Variants in C17orf99 observed in about 807,000 individuals in gnomAD.
The protein encoded by C17orf99 is protein IL-40.
C17orf99 carries 18 observed loss-of-function variants against 22.6 expected under a neutral mutation model. The observed-to-expected ratio is 0.80, with a 90% CI of 0.55 to 1.18. C17orf99 has a LOEUF of 1.18. Ranked by LOEUF, C17orf99 falls within the 50% of genes most tolerant of loss-of-function variation. The pLI is 0.00. For synonymous variants in C17orf99, 147 were observed against 136.6 expected (o/e 1.08, Z -0.53); for missense variants, 328 against 342.7 (o/e 0.96, Z 0.34).
chr17:78,162,181 C>G (rs57015785), intron 3 of C17orf99, among the ~76,000 whole-genome samples: 3,769 of 149,598 alleles, frequency 0.025, 178 homozygotes, highest in African/African-American at 0.089. Flanking sequence ...GAGGCTGAGG[C>G]AAGAGAGTCA....
At chr17:78,158,125 C>A in intron 2 of C17orf99, 1 of 843,408 alleles carries the variant, frequency 1.2e-6, no homozygotes. Context: ...AGCAGAAGTA[C>A]AGCTGTGGAG....
Position 78,154,561 on chromosome 17 carries a change from G to A in C17orf99, c.71-6394G>A, listed in dbSNP as rs146129505. ...AGACTTCGTCTCAAAAAAATAAATA[G>A]GTGGGGCGCAGTGGCTCACACCTGT... On this transcript the variant is annotated intron_variant, in intron 2 of 4. Coordinates refer to ENST00000340363, the MANE Select transcript of C17orf99 (RefSeq NM_001163075.2). Among the ~76,000 whole-genome samples the A allele has an allele frequency of 3.3e-3, 496 of 151,122 alleles. 6 individuals carry two copies. Among genetic ancestry groups the A allele is most frequent in the African/African-American group, 0.011 (470 of 40,992 alleles).
At chr17:78,145,780 C>T (rs1306729375), upstream of C17orf99, among the ~76,000 whole-genome samples, 2 of 150,374 alleles carry the variant, frequency 1.3e-5, no homozygotes, top group African/African-American at 4.9e-5. Context: ...CCAGAAGTTA[C>T]AGCGTGGACA....
chr17:78,160,025 G>A (rs1035662903), intron 2 of C17orf99: 1 of 453,556 alleles, frequency 2.2e-6, no homozygotes, highest in Admixed American at 2.4e-5. Context: ...GCTGCCATGA[G>A]CGTGTGTGTA....
chr17:78,164,558 C>T (rs1382249653), intron 4 of C17orf99, 194 bp downstream of exon 4: 7 of 1,533,090 alleles, frequency 4.6e-6, no homozygotes, highest in Middle Eastern at 1.7e-4. Flanking sequence ...GCCTCCGCCC[C>T]CTCCCAGGAG....
Position 78,160,732 on chromosome 17 carries a change from C to T in C17orf99, c.71-223C>T, listed in dbSNP as rs1178674488. 9.1e-6 allele frequency: 5 copies of T among 548,288 alleles called. No individual in the cohort carries two copies. The Admixed American group carries it at 1.6e-4, about 17-fold the overall frequency. The allele number at this position is 548,288 out of a possible 1,614,324, so 34.0% of individuals were successfully genotyped here. A position where few individuals can be genotyped will look rare whatever the true frequency, so the allele number is the denominator to read the frequency against. On this transcript the variant is annotated intron_variant, in intron 2 of 4. Coordinates refer to ENST00000340363, the MANE Select transcript of C17orf99 (RefSeq NM_001163075.2). Reference sequence around the variant, plus strand: ...CCGAGTAGCAGGGATTACAGGTGGGCACCACCACGCCCGGCTAATTTTTGT... The same window carrying T: ...CCGAGTAGCAGGGATTACAGGTGGGTACCACCACGCCCGGCTAATTTTTGT...
In C17orf99 at chr17:78,166,018, T is replaced by TCAGAGGA; in HGVS notation, c.772_778dup (p.Arg260GlnfsTer11). ...GGGTTCAGGATAGGGAATGGGGAGG[T>TCAGAGGA]CAGAGGACGCAAAGCAGCAGCCATG... On this transcript the variant is annotated frameshift_variant, in exon 5 of 5. Transcript: ENST00000340363. LOFTEE classifies it high-confidence loss of function. The TCAGAGGA allele has an allele frequency of 7.0e-7, 1 of 1,431,488 alleles. No homozygotes were observed. Among genetic ancestry groups the TCAGAGGA allele is most frequent in the Non-Finnish European group, 9.3e-7 (1 of 1,074,464 alleles). The allele number at this position is 1,431,488 out of a possible 1,614,324, so 88.7% of individuals were successfully genotyped here. A position where few individuals can be genotyped will look rare whatever the true frequency, so the allele number is the denominator to read the frequency against.
At chr17:78,157,241 G>A (rs571755414) in intron 2 of C17orf99, among the ~76,000 whole-genome samples, 26 of 151,794 alleles carry the variant, frequency 1.7e-4, no homozygotes, top group Admixed American at 5.9e-4. Context: ...CGAGGCGGGC[G>A]CATCATGAGG....
intron 3 of C17orf99, among the ~76,000 whole-genome samples, chr17:78,163,440 CTGAA>C (rs2145801811): frequency 6.6e-6 from 1 of 152,274 alleles, no homozygotes; most frequent in South Asian, 2.1e-4. Flanking sequence ...AAAGACGAGA[CTGAA>C]TGATAGAGTT....
intron 2 of C17orf99, chr17:78,158,331 G>A: frequency 3.1e-5 from 11 of 356,212 alleles, no homozygotes; most frequent in South Asian, 2.6e-4. Flanking sequence ...TTCTCGCCCT[G>A]TCGCCCAGGC....
At chr17:78,159,947 T>G (rs1467594648) in intron 2 of C17orf99, 1 of 417,366 alleles carries the variant, frequency 2.4e-6, no homozygotes, top group Non-Finnish European at 4.8e-6. Context: ...ATCAACCACA[T>G]TCTATTTACC....
intron 2 of C17orf99, chr17:78,160,634 T>C (rs2075566841): frequency 2.8e-6 from 1 of 360,872 alleles, no homozygotes; most frequent in Non-Finnish European, 5.1e-6. Flanking sequence ...TGGAGTGCAG[T>C]GGTGTGATCT....
intron 3 of C17orf99, among the ~76,000 whole-genome samples, chr17:78,161,865 A>G (rs1391166477): frequency 6.6e-6 from 1 of 151,922 alleles, no homozygotes; most frequent in African/African-American, 2.4e-5. Context: ...AAGAAACGAA[A>G]AAAAAGTTAG....
chr17:78,161,786 G>C (rs2075578922), intron 3 of C17orf99, among the ~76,000 whole-genome samples: 2 of 151,402 alleles, frequency 1.3e-5, no homozygotes, highest in Non-Finnish European at 2.9e-5. Flanking sequence ...AGAGGTTGCA[G>C]TGAGCCAAGA....
Position 78,158,360 on chromosome 17 carries a change from T to C in C17orf99, c.71-2595T>C, listed in dbSNP as rs190404045. On this transcript the variant is annotated intron_variant, in intron 2 of 4. Coordinates refer to ENST00000340363, the MANE Select transcript of C17orf99 (RefSeq NM_001163075.2). ...CCCAGGCTGGAGTGCAGTGGCACCA[T>C]CTCGGCTCACTACAAGCTCCACCTC... 2.7e-3 allele frequency among the ~76,000 whole-genome samples: 414 copies of C among 152,150 alleles called. 3 individuals are homozygous for C. The highest frequency in any genetic ancestry group is 0.01 in the Middle Eastern group (3 of 294).
intron 4 of C17orf99, 90 bp from the exon 5 acceptor site, chr17:78,165,799 T>C (rs1332876080): frequency 2.4e-5 from 31 of 1,266,660 alleles, no homozygotes; most frequent in Non-Finnish European, 3.1e-5. Flanking sequence ...CAAAACTCCG[T>C]CTCAAAACAA....
intron 4 of C17orf99, 35 bp downstream of exon 4, chr17:78,164,399 G>A: frequency 6.4e-7 from 1 of 1,551,058 alleles, no homozygotes; most frequent in Non-Finnish European, 8.7e-7. Context: ...AGGGGCAGCT[G>A]GCGCTTCTGT....
intron 4 of C17orf99, chr17:78,164,894 A>G (rs2075606827): frequency 8.5e-7 from 1 of 1,172,462 alleles, no homozygotes; most frequent in South Asian, 1.7e-5. Flanking sequence ...GACCCTGACC[A>G]GTGCTCCCAG....
chr17:78,148,024 T>C (rs2075449416), intron 2 of C17orf99, among the ~76,000 whole-genome samples: 1 of 152,174 alleles, frequency 6.6e-6, no homozygotes, highest in South Asian at 2.1e-4. Context: ...GCCCTGAGAA[T>C]GTGGCAAGGC....
Sources: allele counts gnomAD v4.1 joint callset (sites outside exome capture counted in the v4.1 genomes callset), GRCh38; gene constraint gnomAD v4.1.1; transcripts MANE v1.5; gene names NCBI Gene and HGNC (gene_info 2026-07-23, HGNC 2026-07-21).